CLPB: variants seen among roughly 807,000 people sequenced by gnomAD.
CLPB encodes the protein ClpB family mitochondrial disaggregase.
Under a neutral mutation model 78.4 loss-of-function variants are expected in CLPB, and 40 were observed. The observed-to-expected ratio is 0.51, with a 90% CI of 0.40 to 0.66. CLPB has a LOEUF of 0.66. Ranked by LOEUF, CLPB falls within the 30% of genes least tolerant of loss-of-function variation. The pLI is 0.00. For missense variants in CLPB, 780 were observed against 886.9 expected (o/e 0.88, Z 1.53); for synonymous variants, 333 against 348.0 (o/e 0.96, Z 0.48).
intron 5 of CLPB, among the ~76,000 whole-genome samples, chr11:72,349,007 A>G (rs1950564957): frequency 6.6e-6 from 1 of 152,244 alleles, no homozygotes; most frequent in South Asian, 2.1e-4. Flanking sequence ...TGCTTTAAGA[A>G]CATGTATCAG....
At chr11:72,326,126 A>C (rs1950129643) in intron 6 of CLPB, among the ~76,000 whole-genome samples, 1 of 152,216 alleles carries the variant, frequency 6.6e-6, no homozygotes, top group Admixed American at 6.5e-5. Context: ...AGGGTTAGAA[A>C]AATATGTATT....
intron 4 of CLPB, among the ~76,000 whole-genome samples, chr11:72,374,173 C>T (rs1172951234): frequency 6.6e-6 from 1 of 152,144 alleles, no homozygotes; most frequent in Non-Finnish European, 1.5e-5. Context: ...CCTAGGCAGG[C>T]TTCCTGCTTT....
rs1334783982 is a variant in CLPB at position 72,294,051 on chromosome 11, G to T, written c.1756C>A (p.His586Asn). The T allele has an allele frequency of 6.2e-7, 1 of 1,613,984 alleles. No homozygotes were observed. The highest frequency in any genetic ancestry group is 1.3e-5 in the African/African-American group (1 of 74,936). Residue 586 changes from histidine (H) to asparagine (N), a missense_variant, in exon 15 of 16, where the codon CAC (histidine) becomes AAC (asparagine). By Grantham distance (68) the His-to-Asn change is moderately conservative. Around this residue, in one of 3 missense-constraint regions of CLPB, gnomAD observed 272 missense variants for 304.0 expected, o/e 0.89. Transcript: ENST00000538039. ...ADVLVDGYNV[H>N]YGARSIKHEV... ...TGTTTGATGGAGCGGGCGCCATAGT[G>T]CACATTGTAGCCGTCGACCAGCACA... is the stretch of plus-strand genomic sequence containing the variant.
At chr11:72,420,930 C>T (rs1489112682) in intron 2 of CLPB, among the ~76,000 whole-genome samples, 4 of 152,158 alleles carry the variant, frequency 2.6e-5, no homozygotes, top group South Asian at 2.1e-4. Flanking sequence ...GAGGCCAAGG[C>T]GGGCGGATCA....
intron 2 of CLPB, among the ~76,000 whole-genome samples, chr11:72,420,347 A>G (rs1856156170): frequency 6.6e-6 from 1 of 152,150 alleles, no homozygotes; most frequent in Non-Finnish European, 1.5e-5. Flanking sequence ...TACAAAAATT[A>G]GCTGGGCGCA....
Position 72,301,901 on chromosome 11 carries a change from T to C in CLPB, c.1231A>G (p.Lys411Glu). Reference sequence around the variant, plus strand: ...GCATTGGGGCACTGCTTCAACTTCTTGGTCAGCTGGCCACCCTCCTCATGG... The same window carrying C: ...GCATTGGGGCACTGCTTCAACTTCTCGGTCAGCTGGCCACCCTCCTCATGG... Reference protein sequence around the residue: ...VGHEEGGQLTKKLKQCPNAVV... With the variant: ...VGHEEGGQLTEKLKQCPNAVV... The change falls in exon 11 of 16, where the codon AAG (lysine) becomes GAG (glutamate). Residue 411 changes from lysine to glutamate, a missense_variant. By Grantham distance (56) the Lys-to-Glu change is moderately conservative (BLOSUM62 1). Around this residue, in one of 3 missense-constraint regions of CLPB, gnomAD observed 91 missense variants for 168.2 expected, o/e 0.54. Transcript: ENST00000538039. 1 of 1,614,152 alleles carries C rather than the reference T, an allele frequency of 6.2e-7. No homozygotes were observed. The highest frequency in any genetic ancestry group is 8.5e-7 in the Non-Finnish European group (1 of 1,180,010).
chr11:72,422,208 G>T (rs566765504), intron 2 of CLPB, among the ~76,000 whole-genome samples: 1 of 146,006 alleles, frequency 6.8e-6, no homozygotes, highest in African/African-American at 2.6e-5. Flanking sequence ...GGAGCTTGCA[G>T]TGAGTCGAGA....
intron 2 of CLPB, among the ~76,000 whole-genome samples, chr11:72,426,180 A>G (rs1484467364): frequency 2.0e-5 from 3 of 152,234 alleles, no homozygotes; most frequent in African/African-American, 7.2e-5. Flanking sequence ...GTAAGCACTC[A>G]GCAGAGGCCT....
intron 3 of CLPB, among the ~76,000 whole-genome samples, chr11:72,390,320 C>A (rs929122536): frequency 6.6e-6 from 1 of 151,744 alleles, no homozygotes; most frequent in Admixed American, 6.6e-5. Context: ...TACCTGTAAT[C>A]CCAACTAATC....
chr11:72,393,818 T>C (rs1855324269), intron 3 of CLPB, among the ~76,000 whole-genome samples: 1 of 152,260 alleles, frequency 6.6e-6, no homozygotes, highest in African/African-American at 2.4e-5. Flanking sequence ...TGTTGACCCA[T>C]ATACTTATCC....
intron 1 of CLPB, among the ~76,000 whole-genome samples, chr11:72,431,149 A>G (rs1216374095): frequency 6.6e-6 from 1 of 152,232 alleles, no homozygotes; most frequent in Non-Finnish European, 1.5e-5. Context: ...GGCAGCCTGC[A>G]GGCTGTTGCC....
intron 2 of CLPB, among the ~76,000 whole-genome samples, chr11:72,415,206 C>T (rs189879051): frequency 4.2e-4 from 64 of 152,174 alleles, no homozygotes; most frequent in African/African-American, 1.4e-3. Flanking sequence ...CAGAGTGAGA[C>T]TCCGTCTCAA....
At chr11:72,300,904 G>A (rs7127541) in intron 11 of CLPB, among the ~76,000 whole-genome samples, 5,857 of 152,242 alleles carry the variant, frequency 0.038, 176 homozygotes, top group Middle Eastern at 0.071. Flanking sequence ...TTCCGTGATC[G>A]TAAGCAATCC....
intron 4 of CLPB, among the ~76,000 whole-genome samples, chr11:72,361,176 G>A (rs757059479): frequency 1.3e-5 from 2 of 152,186 alleles, no homozygotes; most frequent in Non-Finnish European, 2.9e-5. Context: ...GTGTGCAGCT[G>A]GAGAACAGAC....
At chr11:72,315,250 A>G (rs1949920545) in intron 7 of CLPB, among the ~76,000 whole-genome samples, 1 of 152,044 alleles carries the variant, frequency 6.6e-6, no homozygotes, top group African/African-American at 2.4e-5. Context: ...GGGGAGGGGG[A>G]GGAGTCTGGT....
intron 2 of CLPB, among the ~76,000 whole-genome samples, chr11:72,412,295 T>C (rs546741837): frequency 4.6e-5 from 7 of 152,298 alleles, no homozygotes; most frequent in East Asian, 1.9e-4. Context: ...CCCAGTGAGA[T>C]GGCCCACTGA....
chr11:72,409,573 G>T (rs1272283780), intron 2 of CLPB, among the ~76,000 whole-genome samples: 3 of 151,932 alleles, frequency 2.0e-5, no homozygotes, highest in African/African-American at 7.3e-5. Flanking sequence ...AACAGAGAGA[G>T]GCTCCATGTC....
intron 7 of CLPB, chr11:72,311,054 G>A (rs2135517191): frequency 6.6e-6 from 1 of 152,312 alleles, no homozygotes; most frequent in East Asian, 1.9e-4. Context: ...TGGGTCCCCT[G>A]TGAAACAGGT....
chr11:72,316,611 G>A (rs1394375962), intron 7 of CLPB, among the ~76,000 whole-genome samples: 2 of 152,310 alleles, frequency 1.3e-5, no homozygotes, highest in East Asian at 3.9e-4. Flanking sequence ...ACACTCAAAA[G>A]TTGCTCAGGA....
Sources: gnomAD v4.1 joint callset for allele counts (sites outside exome capture counted in the v4.1 genomes callset) on GRCh38, gnomAD v4.1.1 for gene constraint, gnomAD v4.1.1 regional missense constraint, MANE v1.5 for transcripts, NCBI Gene and HGNC (gene_info 2026-07-23, HGNC 2026-07-21) for gene names.